The following SOX5 variants were observed in gnomAD, a reference collection of about 807,000 sequenced individuals.
SOX5 encodes transcription factor SOX-5.
In SOX5, 9 loss-of-function variants were observed where a neutral mutation model predicts 92.0. The ratio of observed to expected loss-of-function variants is 0.10; its 90% confidence interval spans 0.06 to 0.17. SOX5 has a LOEUF of 0.17. Among genes scored for constraint, SOX5 ranks in the 10% least tolerant of loss-of-function variants. The probability of loss-of-function intolerance (pLI) is 1.00; values close to 1 mark genes in which losing one functional copy is unlikely to be tolerated. For synonymous variants in SOX5, 344 were observed against 336.3 expected (o/e 1.02, Z -0.25); for missense variants, 642 against 944.5 (o/e 0.68, Z 4.20).
At chr12:24,536,118 G>C (rs1351829253) in intron 1 of SOX5, among the ~76,000 whole-genome samples, 5 of 152,192 alleles carry the variant, frequency 3.3e-5, no homozygotes. Flanking sequence ...ATAGAGGTGA[G>C]CTCCGTAGCT....
intron 3 of SOX5, among the ~76,000 whole-genome samples, chr12:24,273,119 C>T (rs1036220982): frequency 3.9e-5 from 6 of 151,996 alleles, no homozygotes; most frequent in African/African-American, 1.4e-4. Flanking sequence ...GCCTGTTAAG[C>T]GTGGTGACAT....
chr12:23,949,468 A>C, intron 1 of SOX5, 96 bp downstream of exon 1: 9 of 1,475,522 alleles, frequency 6.1e-6, no homozygotes, highest in Non-Finnish European at 7.6e-6. Context: ...TTCTCTAACA[A>C]ACACGTTTTG....
chr12:23,634,917 A>T (rs1454851543), intron 8 of SOX5, among the ~76,000 whole-genome samples: 1 of 152,222 alleles, frequency 6.6e-6, no homozygotes, highest in East Asian at 1.9e-4. Context: ...ATACATTGTT[A>T]AGATTCATTC....
intron 1 of SOX5, among the ~76,000 whole-genome samples, chr12:23,896,370 T>C (rs895630171): frequency 1.3e-5 from 2 of 152,202 alleles, no homozygotes; most frequent in Admixed American, 1.3e-4. Context: ...ATAGACCTTA[T>C]TGAAGACAGA....
chr12:23,619,568 G>C (rs767736724), intron 8 of SOX5, among the ~76,000 whole-genome samples: 1 of 152,130 alleles, frequency 6.6e-6, no homozygotes, highest in South Asian at 2.1e-4. Flanking sequence ...AGTAGGGTTT[G>C]TGTGCTCTGA....
At chr12:24,468,605 G>A (rs1944469401) in intron 1 of SOX5, among the ~76,000 whole-genome samples, 1 of 152,062 alleles carries the variant, frequency 6.6e-6, no homozygotes, top group South Asian at 2.1e-4. Context: ...GCCCCACAAA[G>A]CAATTCTTGA....
intron 9 of SOX5, among the ~76,000 whole-genome samples, chr12:23,595,618 C>CAAAA (rs747265656): frequency 1.1e-4 from 5 of 46,304 alleles, no homozygotes; most frequent in African/African-American, 4.5e-4. Flanking sequence ...GACTCTGCCT[C>CAAAA]AAAAAAAAAA....
At chr12:23,971,577 A>G (rs1200626408) in intron 4 of SOX5, among the ~76,000 whole-genome samples, 1 of 151,114 alleles carries the variant, frequency 6.6e-6, no homozygotes, top group East Asian at 1.9e-4. Flanking sequence ...TATATCATTG[A>G]TTCACAGAAG....
At chr12:24,157,232 G>A (rs1402890580) in intron 4 of SOX5, among the ~76,000 whole-genome samples, 1 of 151,902 alleles carries the variant, frequency 6.6e-6, no homozygotes, top group African/African-American at 2.4e-5. Flanking sequence ...ATAAATATTT[G>A]ATTAAGTAAA....
intron 1 of SOX5, among the ~76,000 whole-genome samples, chr12:24,510,186 G>A (rs1949178317): frequency 6.6e-6 from 1 of 152,162 alleles, no homozygotes; most frequent in East Asian, 1.9e-4. Flanking sequence ...GCTCAAAATA[G>A]ATGCTTGTTC....
chr12:24,481,709 GT>G lies in SOX5; in HGVS notation c.-251+80619del, dbSNP rs149299649. Among the ~76,000 whole-genome samples the G allele has an allele frequency of 8.3e-4, 126 of 152,212 alleles. 3 individuals carry two copies. The East Asian group carries it at 0.023, about 28-fold the overall frequency. The stretch of plus-strand genomic sequence containing the variant: ...GACACAACTAAAAAGCCTTGCCCAG[GT>G]TCCCACAGCTAGCAGAGATCCAGGG... On this transcript the variant is annotated intron_variant, in intron 1 of 4. Transcript: ENST00000446891.
At chr12:23,790,629 T>C (rs568070629) in intron 3 of SOX5, among the ~76,000 whole-genome samples, 5 of 151,974 alleles carry the variant, frequency 3.3e-5, no homozygotes, top group South Asian at 2.1e-4. Context: ...TTTTCCACTA[T>C]TGATCTTAAC....
chr12:23,644,152 C>T lies in SOX5; in HGVS notation c.932-3255G>A, dbSNP rs563552609. On this transcript the variant is annotated intron_variant, in intron 7 of 14. Coordinates refer to ENST00000451604, the MANE Select transcript of SOX5 (RefSeq NM_006940.6). The stretch of plus-strand genomic sequence containing the variant: ...TTTGGCTGCCTTGGTTGCCCACACC[C>T]TCTGTTGGAGCAAGCCGCTAGGTTG... Among the ~76,000 whole-genome samples the T allele has an allele frequency of 5.3e-5, 8 of 152,316 alleles. No individual in the cohort carries two copies. In the East Asian group the frequency reaches 1.5e-3, roughly 29 times the overall value.
intron 2 of SOX5, among the ~76,000 whole-genome samples, chr12:24,355,215 T>C (rs1954647879): frequency 6.7e-6 from 1 of 149,454 alleles, no homozygotes; most frequent in Non-Finnish European, 1.5e-5. Context: ...GATAGTGTGG[T>C]TCCCAGCCAG....
intron 2 of SOX5, among the ~76,000 whole-genome samples, chr12:24,346,736 T>C (rs1377045865): frequency 6.6e-6 from 1 of 152,036 alleles, no homozygotes; most frequent in African/African-American, 2.4e-5. Context: ...CAGGCATCAG[T>C]TACCGTGCCT....
At chr12:23,615,360 AT>A (rs1401343626) in intron 8 of SOX5, among the ~76,000 whole-genome samples, 1 of 151,896 alleles carries the variant, frequency 6.6e-6, no homozygotes, top group Non-Finnish European at 1.5e-5. Flanking sequence ...AAATTTTTTA[AT>A]TTTAGGTCCA....
intron 4 of SOX5, among the ~76,000 whole-genome samples, chr12:24,030,595 A>G (rs1006384512): frequency 1.3e-5 from 2 of 152,006 alleles, no homozygotes; most frequent in South Asian, 4.1e-4. Flanking sequence ...AACCTACAAG[A>G]AGAAAACACA....
chr12:23,944,515 A>G (rs1944224430), intron 1 of SOX5, among the ~76,000 whole-genome samples: 1 of 152,178 alleles, frequency 6.6e-6, no homozygotes, highest in South Asian at 2.1e-4. Context: ...CACAGAGGTC[A>G]GAAAGAATAA....
At chr12:24,390,220 A>T (rs1958847676) in intron 1 of SOX5, among the ~76,000 whole-genome samples, 1 of 152,180 alleles carries the variant, frequency 6.6e-6, no homozygotes, top group Non-Finnish European at 1.5e-5. Flanking sequence ...TTACACACGT[A>T]ACATTATGTG....
Sources: gnomAD v4.1 joint callset for allele counts (sites outside exome capture counted in the v4.1 genomes callset) on GRCh38, gnomAD v4.1.1 for gene constraint, MANE v1.5 for transcripts, NCBI Gene and HGNC (gene_info 2026-07-23, HGNC 2026-07-21) for gene names.